The following SNTB1 variants were observed in gnomAD, a reference collection of about 807,000 sequenced individuals.
SNTB1 encodes the protein beta-1-syntrophin.
In SNTB1, 36 loss-of-function variants were observed where a neutral mutation model predicts 48.9. The observed-to-expected ratio is 0.74, with a 90% CI of 0.56 to 0.97. SNTB1 has a LOEUF of 0.97. SNTB1 is among the 50% of genes least tolerant of loss of function. The probability of loss-of-function intolerance (pLI) is 0.00; values close to 1 mark genes in which losing one functional copy is unlikely to be tolerated. For missense variants in SNTB1, 786 were observed against 703.4 expected, an observed-to-expected ratio of 1.12 and a Z score of -1.33; for synonymous variants, 299 against 294.6, an observed-to-expected ratio of 1.01 and a Z score of -0.15.
At chr8:120,633,874 A>G (rs1817024413) in intron 2 of SNTB1, among the ~76,000 whole-genome samples, 2 of 152,216 alleles carry the variant, frequency 1.3e-5, no homozygotes, top group African/African-American at 2.4e-5. Context: ...TTTACCTCCT[A>G]TAGTACAGTA....
At chr8:120,671,346 A>G (rs2129784745) in intron 2 of SNTB1, among the ~76,000 whole-genome samples, 1 of 152,356 alleles carries the variant, frequency 6.6e-6, no homozygotes, top group East Asian at 1.9e-4. Context: ...TTGAGATGAA[A>G]TCATATTATA....
chr8:120,574,942 G>C lies in SNTB1; in HGVS notation c.1136+144C>G, dbSNP rs529642563. 10 of 929,554 alleles carry C rather than the reference G, an allele frequency of 1.1e-5. 1 individual carries two copies. In the South Asian group the frequency reaches 1.8e-4, roughly 16 times the overall value. The allele number at this position is 929,554 out of a possible 1,614,324, so 57.6% of individuals were successfully genotyped here. A position where few individuals can be genotyped will look rare whatever the true frequency, so the allele number is the denominator to read the frequency against. The stretch of plus-strand genomic sequence containing the variant: ...CCATAAATGATCATTAATCTATGTG[G>C]CTAAAAATGTGTGGCTATATTCTTA... On this transcript the variant is annotated intron_variant, in intron 4 of 6. Coordinates refer to ENST00000517992, the MANE Select transcript of SNTB1 (RefSeq NM_021021.4).
chr8:120,561,323 AAAAAAAAAAAAAAAAAAG>A (rs1424559016), intron 4 of SNTB1, among the ~76,000 whole-genome samples: 2 of 98,228 alleles, frequency 2.0e-5, no homozygotes, highest in African/African-American at 3.2e-5. Flanking sequence ...CCATCTCAAA[AAAAAAAAAAAAAAAAAAG>A]AAAAAAAGAA....
chr8:120,576,377 T>C (rs1249863895), intron 3 of SNTB1, among the ~76,000 whole-genome samples: 2 of 152,240 alleles, frequency 1.3e-5, no homozygotes, highest in Admixed American at 6.5e-5. Context: ...AGTCTTATTA[T>C]TACTTTATCT....
chr8:120,708,043 A>T (rs1420206641), intron 1 of SNTB1, among the ~76,000 whole-genome samples: 1 of 152,046 alleles, frequency 6.6e-6, no homozygotes, highest in African/African-American at 2.4e-5. Flanking sequence ...TGATGAAAAT[A>T]AAAAAATTGA....
intron 5 of SNTB1, among the ~76,000 whole-genome samples, chr8:120,546,497 T>C (rs1233247706): frequency 1.3e-5 from 2 of 152,178 alleles, no homozygotes; most frequent in Non-Finnish European, 2.9e-5. Flanking sequence ...TGTTTTGAGA[T>C]GCAGTCTCAC....
chr8:120,608,884 G>C lies in SNTB1; in HGVS notation c.996+23560C>G, dbSNP rs74652754. 8.5e-5 allele frequency among the ~76,000 whole-genome samples: 13 copies of C among 152,322 alleles called. No individual in the cohort carries two copies. The East Asian group carries it at 2.5e-3, about 29-fold the overall frequency. On this transcript the variant is annotated intron_variant, in intron 3 of 6. Transcript: ENST00000517992. The stretch of plus-strand genomic sequence containing the variant: ...CAAAGGTGAGCAAAGAAACCAACTT[G>C]TGTGTGAACCTAAGTGAGTATTAAA...
chr8:120,794,420 T>C (rs996208703), intron 1 of SNTB1, among the ~76,000 whole-genome samples: 1 of 152,056 alleles, frequency 6.6e-6, no homozygotes, highest in Admixed American at 6.6e-5. Context: ...GAGGGACTTC[T>C]GTAAAGTCTG....
intron 1 of SNTB1, among the ~76,000 whole-genome samples, chr8:120,726,163 C>G (rs1488059269): frequency 1.3e-5 from 2 of 152,180 alleles, no homozygotes; most frequent in Non-Finnish European, 1.5e-5. Flanking sequence ...TTTTCCTCAT[C>G]ATTGTTTAAG....
chr8:120,673,806 AT>A (rs1309415305), intron 2 of SNTB1, among the ~76,000 whole-genome samples: 1 of 152,080 alleles, frequency 6.6e-6, no homozygotes, highest in African/African-American at 2.4e-5. Flanking sequence ...CTGGTTTAGA[AT>A]TTAAGGGTCT....
intron 3 of SNTB1, among the ~76,000 whole-genome samples, chr8:120,618,473 G>A (rs1174175678): frequency 6.6e-6 from 1 of 152,224 alleles, no homozygotes; most frequent in Non-Finnish European, 1.5e-5. Flanking sequence ...CAAGGAACTT[G>A]TCTGACGTGT....
intron 4 of SNTB1, among the ~76,000 whole-genome samples, chr8:120,573,484 C>T (rs531934193): frequency 1.4e-4 from 22 of 151,952 alleles, no homozygotes; most frequent in Non-Finnish European, 3.1e-4. Context: ...TTGTAAGTTG[C>T]CTTTCCATTT....
At chr8:120,611,355 G>GA (rs35679295) in intron 3 of SNTB1, among the ~76,000 whole-genome samples, 126,935 of 151,914 alleles carry the variant, frequency 0.84, 53,896 homozygotes, top group Middle Eastern at 0.91. Context: ...AGAAGCTCTG[G>GA]AAAAAAAATC....
intron 3 of SNTB1, among the ~76,000 whole-genome samples, chr8:120,614,027 G>T (rs546351120): frequency 4.4e-4 from 67 of 152,312 alleles, no homozygotes; most frequent in Middle Eastern, 3.4e-3. Context: ...ACTGTCAGTG[G>T]TTTGCCCAAG....
intron 1 of SNTB1, among the ~76,000 whole-genome samples, chr8:120,807,894 A>T (rs1027561971): frequency 6.6e-6 from 1 of 152,088 alleles, no homozygotes; most frequent in African/African-American, 2.4e-5. Context: ...GCTATGTTAC[A>T]TTATTTATAT....
intron 4 of SNTB1, among the ~76,000 whole-genome samples, chr8:120,554,343 G>A (rs1360401898): frequency 6.6e-6 from 1 of 152,112 alleles, no homozygotes; most frequent in African/African-American, 2.4e-5. Context: ...ACTCTGAACT[G>A]GAATAAGTGA....
chr8:120,760,492 C>G (rs941433161), intron 1 of SNTB1, among the ~76,000 whole-genome samples: 1 of 152,004 alleles, frequency 6.6e-6, no homozygotes, highest in Non-Finnish European at 1.5e-5. Context: ...TACTGGAGAC[C>G]GAGCCTGGCC....
intron 2 of SNTB1, among the ~76,000 whole-genome samples, chr8:120,650,089 C>T (rs1053042844): frequency 3.9e-5 from 6 of 151,908 alleles, no homozygotes; most frequent in African/African-American, 1.2e-4. Flanking sequence ...GTGAGATGAA[C>T]CCAGTACCTC....
Position 120,811,468 on chromosome 8 carries a change from T to C in SNTB1, c.376A>G (p.Ser126Gly). ...LKQELGGLGI[S>G]IKGGKENKMP... ...TTGTTCTCCTTGCCCCCCTTGATGCTGATCCCCAGCCCGCCCAGCTCCTGC... is the reference window on the plus strand; with the variant it reads ...TTGTTCTCCTTGCCCCCCTTGATGCCGATCCCCAGCCCGCCCAGCTCCTGC... Residue 126 changes from serine (S) to glycine (G), a missense_variant, in exon 1 of 7, where the codon AGC becomes GGC. Coordinates refer to ENST00000517992, the MANE Select transcript of SNTB1 (RefSeq NM_021021.4). 1 of 1,614,040 alleles carries C rather than the reference T, an allele frequency of 6.2e-7. No individual in the cohort carries two copies. The highest frequency in any genetic ancestry group is 8.5e-7 in the Non-Finnish European group (1 of 1,179,938).
Sources: allele counts gnomAD v4.1 joint callset (sites outside exome capture counted in the v4.1 genomes callset), GRCh38; gene constraint gnomAD v4.1.1; transcripts MANE v1.5; gene names NCBI Gene and HGNC (gene_info 2026-07-23, HGNC 2026-07-21).